The following SCAPER variants were observed in gnomAD, a reference collection of about 807,000 sequenced individuals.
SCAPER encodes the protein S-phase cyclin A associated protein in the ER, also known as S phase cyclin A-associated protein in the endoplasmic reticulum.
A neutral mutation model predicts 182.2 loss-of-function variants in SCAPER; 98 were observed. The observed-to-expected ratio is 0.54, with a 90% confidence interval of 0.46 to 0.64. The LOEUF is 0.64. Among genes scored for constraint, SCAPER ranks in the 30% least tolerant of loss-of-function variants. SCAPER has a pLI of 0.00. For synonymous variants in SCAPER, 605 were observed against 564.6 expected (o/e 1.07, Z -1.01); for missense variants, 1,432 against 1,690.0 (o/e 0.85, Z 2.68).
intron 14 of SCAPER, among the ~76,000 whole-genome samples, chr15:76,759,325 T>G (rs1356211663): frequency 6.6e-6 from 1 of 152,154 alleles, no homozygotes; most frequent in East Asian, 1.9e-4. Flanking sequence ...AAGTCCAATA[T>G]CAAGGTGGTG....
intron 2 of SCAPER, among the ~76,000 whole-genome samples, chr15:76,878,104 T>C (rs1325029757): frequency 1.3e-5 from 2 of 152,318 alleles, no homozygotes; most frequent in East Asian, 3.9e-4. Context: ...TACAGACACG[T>C]GTTTCATACA....
intron 24 of SCAPER, among the ~76,000 whole-genome samples, chr15:76,474,063 G>A (rs1051080815): frequency 1.3e-5 from 2 of 152,078 alleles, no homozygotes; most frequent in Admixed American, 6.5e-5. Context: ...CACCCACCTC[G>A]GCCTCCCAAA....
chr15:76,596,257 G>GGAA (rs35654030), intron 22 of SCAPER, among the ~76,000 whole-genome samples: 104,266 of 106,236 alleles, frequency 0.98, 51,385 homozygotes, highest in Middle Eastern at 1. Context: ...GATGAAACCA[G>GGAA]GAAGAAGAAT....
chr15:76,896,335 C>A (rs1568428125), intron 1 of SCAPER, among the ~76,000 whole-genome samples: 1 of 152,090 alleles, frequency 6.6e-6, no homozygotes, highest in African/African-American at 2.4e-5. Flanking sequence ...CACACCACTG[C>A]ACTCCAGACT....
At chr15:76,624,368 G>A (rs2052378581) in intron 21 of SCAPER, among the ~76,000 whole-genome samples, 1 of 152,000 alleles carries the variant, frequency 6.6e-6, no homozygotes, top group South Asian at 2.1e-4. Context: ...TCTACAAGGA[G>A]GACTACAAAA....
chr15:76,666,502 G>A (rs1259343847), intron 20 of SCAPER, among the ~76,000 whole-genome samples: 2 of 152,034 alleles, frequency 1.3e-5, no homozygotes, highest in African/African-American at 2.4e-5. Context: ...TTTCATACAT[G>A]CATGGCAAAA....
intron 23 of SCAPER, among the ~76,000 whole-genome samples, chr15:76,568,224 T>TATATATAC (rs1246463146): frequency 9.1e-5 from 13 of 142,840 alleles, no homozygotes; most frequent in African/African-American, 3.2e-4. Context: ...TATATATATA[T>TATATATAC]ACAAATGGGA....
At chr15:76,667,633 A>T in intron 20 of SCAPER, among the ~76,000 whole-genome samples, 1 of 27,970 alleles carries the variant, frequency 3.6e-5, no homozygotes. Flanking sequence ...CTCAAAAAAA[A>T]AAAAAAAAAA....
At chr15:76,839,526 C>T (rs1438225404) in intron 5 of SCAPER, among the ~76,000 whole-genome samples, 1 of 152,190 alleles carries the variant, frequency 6.6e-6, no homozygotes, top group African/African-American at 2.4e-5. Flanking sequence ...ACATCACCAC[C>T]TGTAAGTCTT....
chr15:76,820,375 G>A (rs1450732079), intron 5 of SCAPER, among the ~76,000 whole-genome samples: 1 of 152,108 alleles, frequency 6.6e-6, no homozygotes, highest in Non-Finnish European at 1.5e-5. Flanking sequence ...TTAAGAAAAT[G>A]TGGCACATAT....
chr15:76,797,974 T>G (rs950841064), intron 7 of SCAPER, among the ~76,000 whole-genome samples: 5 of 146,554 alleles, frequency 3.4e-5, no homozygotes, highest in African/African-American at 1.3e-4. Flanking sequence ...AACAGGAAAG[T>G]ATGGCCCATT....
At chr15:76,718,915 G>T (rs1372529703) in intron 17 of SCAPER, among the ~76,000 whole-genome samples, 3 of 152,100 alleles carry the variant, frequency 2.0e-5, no homozygotes, top group African/African-American at 7.2e-5. Flanking sequence ...GTTGGTGAGG[G>T]TATGGAGAAA....
chr15:76,802,456 C>T (rs1376480776), intron 6 of SCAPER, among the ~76,000 whole-genome samples: 3 of 152,158 alleles, frequency 2.0e-5, no homozygotes, highest in African/African-American at 7.2e-5. Flanking sequence ...CACCTATTAC[C>T]AACGTAAGGG....
intron 25 of SCAPER, among the ~76,000 whole-genome samples, chr15:76,462,649 C>G (rs1379023761): frequency 2.0e-5 from 3 of 152,102 alleles, no homozygotes; most frequent in Non-Finnish European, 2.9e-5. Context: ...GTGTCAGCTT[C>G]TCCCTCAAGT....
At position 76,357,820 on chromosome 15, in the gene SCAPER, A is replaced by AT. The variant is rs150495954; in HGVS notation, c.3856-3681dup. Among the ~76,000 whole-genome samples the AT allele has an allele frequency of 1.7e-3, 257 of 152,360 alleles. 5 individuals carry two copies. The East Asian group carries it at 0.047, about 28-fold the overall frequency. On this transcript the variant is annotated intron_variant, in intron 29 of 31. Transcript: ENST00000563290. ...AGCAACATGGATGGATCTGGAGGCC[A>AT]TTATCTTAAGTGAAATATTCAGAAA... is the stretch of plus-strand genomic sequence containing the variant.
At chr15:76,425,994 C>G (rs559739324) in intron 26 of SCAPER, among the ~76,000 whole-genome samples, 1 of 152,286 alleles carries the variant, frequency 6.6e-6, no homozygotes, top group Non-Finnish European at 1.5e-5. Flanking sequence ...AGAGAGGTAC[C>G]CGGCTGTGTG....
At chr15:76,827,614 G>GA (rs1247568593) in intron 5 of SCAPER, among the ~76,000 whole-genome samples, 1 of 152,088 alleles carries the variant, frequency 6.6e-6, no homozygotes, top group African/African-American at 2.4e-5. Context: ...AGAGTAATAA[G>GA]AGTCTTCAAA....
intron 5 of SCAPER, among the ~76,000 whole-genome samples, chr15:76,830,136 T>C (rs996578472): frequency 1.3e-4 from 19 of 151,830 alleles, no homozygotes; most frequent in Non-Finnish European, 1.9e-4. Flanking sequence ...GCGGAAAAAT[T>C]AGAACATGGA....
intron 5 of SCAPER, among the ~76,000 whole-genome samples, chr15:76,833,519 G>A (rs2068683653): frequency 6.6e-6 from 1 of 152,106 alleles, no homozygotes; most frequent in African/African-American, 2.4e-5. Flanking sequence ...TATCAATATT[G>A]ACCTTGAATA....
Sources: gnomAD v4.1 joint callset for allele counts (sites outside exome capture counted in the v4.1 genomes callset) on GRCh38, gnomAD v4.1.1 for gene constraint, MANE v1.5 for transcripts, NCBI Gene and HGNC (gene_info 2026-07-23, HGNC 2026-07-21) for gene names.